Variants in NDUFS2 observed in about 807,000 individuals in gnomAD.
NDUFS2 encodes the protein NADH dehydrogenase [ubiquinone] iron-sulfur protein 2, mitochondrial.
Under a neutral mutation model 69.6 loss-of-function variants are expected in NDUFS2, and 38 were observed. That is an observed-to-expected ratio of 0.55 (90% confidence interval 0.42 to 0.72). The LOEUF is 0.72. NDUFS2 is among the 30% of genes least tolerant of loss of function. The pLI is 0.00. For synonymous variants in NDUFS2, 194 were observed against 211.2 expected (o/e 0.92, Z 0.70); for missense variants, 468 against 595.0 (o/e 0.79, Z 2.22).
chr1:161,208,740 A>G (rs1651061396), intron 3 of NDUFS2, among the ~76,000 whole-genome samples: 1 of 152,246 alleles, frequency 6.6e-6, no homozygotes, highest in African/African-American at 2.4e-5. Context: ...ATGATTTAAT[A>G]CATTATATTA....
At chr1:161,206,666 G>A in intron 3 of NDUFS2, 69 bp downstream of exon 3, 1 of 1,539,890 alleles carries the variant, frequency 6.5e-7, no homozygotes, top group Non-Finnish European at 8.9e-7. Flanking sequence ...TTGCCAGTTT[G>A]CTGCCCTTAA....
rs1435189380 is a variant in NDUFS2 at position 161,212,456 on chromosome 1, T to C, written c.1092T>C (p.Ser364=). The change falls in exon 10 of 14, where the codon TCT becomes TCC. Residue 364 remains serine (S), a synonymous_variant. Transcript: ENST00000676972. Reference sequence around the variant, plus strand: ...TCAAGGTTGATGATGCCAAAGTGTCTCCACCTAAGCGAGCAGAGATGAAGG... The same window carrying C: ...TCAAGGTTGATGATGCCAAAGTGTCCCCACCTAAGCGAGCAGAGATGAAGG... The part of the protein sequence containing the change: ...GEIKVDDAKV[S]PPKRAEMKTS... The C allele has an allele frequency of 1.9e-6, 3 of 1,613,682 alleles. No homozygotes were observed. The Admixed American group carries it at 5.0e-5, about 27-fold the overall frequency.
chr1:161,207,905 C>T (rs1571611676), intron 3 of NDUFS2, among the ~76,000 whole-genome samples: 1 of 149,876 alleles, frequency 6.7e-6, no homozygotes, highest in Non-Finnish European at 1.5e-5. Flanking sequence ...CTCTGCCTCC[C>T]GAGTTTAAGC....
upstream of NDUFS2, chr1:161,198,093 G>A (rs1412762783): frequency 1.9e-6 from 3 of 1,613,398 alleles, no homozygotes; most frequent in Non-Finnish European, 2.5e-6. The surrounding 1 kb of genome is among the most constrained non-coding windows in gnomAD (Gnocchi z 4.7). Context: ...CGTAGGATGT[G>A]AGCCCCAGGT....
At chr1:161,204,825 C>T (rs1280345839) in intron 2 of NDUFS2, among the ~76,000 whole-genome samples, 1 of 152,040 alleles carries the variant, frequency 6.6e-6, no homozygotes, top group Non-Finnish European at 1.5e-5. Context: ...CCGAGGTGGG[C>T]GGATCACCTT....
chr1:161,205,104 A>G (rs992393087), intron 2 of NDUFS2, among the ~76,000 whole-genome samples: 1 of 151,818 alleles, frequency 6.6e-6, no homozygotes, highest in Non-Finnish European at 1.5e-5. Flanking sequence ...GGTCTGTCAG[A>G]CTCCAAAGCC....
chr1:161,201,487 GCTGGAAGAAT>G (rs1665118277), upstream of NDUFS2, among the ~76,000 whole-genome samples: 2 of 152,356 alleles, frequency 1.3e-5, no homozygotes, highest in African/African-American at 4.8e-5. Context: ...AGCCTCTAAG[GCTGGAAGAAT>G]CTTTGTCCAT....
chr1:161,213,759 C>T (rs776646883), intron 12 of NDUFS2, 27 bp downstream of exon 12: 5 of 1,613,512 alleles, frequency 3.1e-6, no homozygotes, highest in East Asian at 2.2e-5. Flanking sequence ...GTAACTATAA[C>T]TCCAATGAAT....
At position 161,206,436 on chromosome 1, in the gene NDUFS2, A is replaced by G; in HGVS notation, c.232A>G (p.Lys78Glu). 6.2e-7 allele frequency: 1 copy of G among 1,614,212 alleles called. No individual in the cohort carries two copies. ...GGACCCTCCAAAGGACACAATTGTG[A>G]AGAACATTACCCTGAACTTTGGGCC... ...DVDPPKDTIV[K>E]NITLNFGPQH... Residue 78 changes from lysine to glutamate, a missense_variant, in exon 3 of 14, where the codon AAG (lysine) becomes GAG (glutamate). Lys to Glu is a moderately conservative substitution (Grantham distance 56). This residue lies in a region of NDUFS2 where 339 missense variants were observed against 433.8 expected (regional missense o/e 0.78). Coordinates refer to ENST00000676972, the MANE Select transcript of NDUFS2 (RefSeq NM_001377299.1).
Position 161,210,288 on chromosome 1 carries a change from T to C in NDUFS2, c.781-16T>C, listed in dbSNP as rs763470896. Reference sequence around the variant, plus strand: ...GTGAGGAAGAGTATTAACACACCAGTTTTCTTGATCAATAGTTGCTGACCA... The same window carrying C: ...GTGAGGAAGAGTATTAACACACCAGCTTTCTTGATCAATAGTTGCTGACCA... On this transcript the variant is annotated splice_polypyrimidine_tract_variant and intron_variant, in intron 7 of 13. Transcript: ENST00000676972. The C allele has an allele frequency of 5.4e-5, 87 of 1,612,798 alleles. No homozygotes were observed. The highest frequency in any genetic ancestry group is 7.4e-5 in the Non-Finnish European group (87 of 1,179,038).
At chr1:161,202,329 G>C, upstream of NDUFS2, 2 of 1,535,618 alleles carry the variant, frequency 1.3e-6, no homozygotes, top group Non-Finnish European at 1.8e-6. Context: ...CAAGAAGGAG[G>C]CGCGCTGGAG....
upstream of NDUFS2, chr1:161,197,546 A>C: frequency 6.0e-6 from 1 of 167,234 alleles, no homozygotes; most frequent in Non-Finnish European, 1.3e-5. Flanking sequence ...TGCCACAGTG[A>C]TTTTAAAGGC....
At chr1:161,202,684 A>G (rs1665208865) in intron 1 of NDUFS2, among the ~76,000 whole-genome samples, 1 of 152,204 alleles carries the variant, frequency 6.6e-6, no homozygotes, top group South Asian at 2.1e-4. Context: ...AGGTGAAATC[A>G]GCGGAGTGGG....
At chr1:161,209,342 C>T (rs752273441) in intron 4 of NDUFS2, 29 bp downstream of exon 4, 5 of 1,614,078 alleles carry the variant, frequency 3.1e-6, no homozygotes, top group Non-Finnish European at 4.2e-6. Flanking sequence ...TTCTGTGGCC[C>T]ACTGTGAGCA....
Position 161,212,451 on chromosome 1 carries a change from G to A in NDUFS2, c.1087G>A (p.Val363Met). The A allele has an allele frequency of 6.2e-7, 1 of 1,613,828 alleles. No individual in the cohort carries two copies. The highest frequency in any genetic ancestry group is 8.5e-7 in the Non-Finnish European group (1 of 1,179,932). ...PGEIKVDDAKVSPPKRAEMKT... is the reference protein window; with the variant it reads ...PGEIKVDDAKMSPPKRAEMKT... ...GGAGATCAAGGTTGATGATGCCAAA[G>A]TGTCTCCACCTAAGCGAGCAGAGAT... Residue 363 changes from valine to methionine, a missense_variant, in exon 10 of 14, where the codon GTG becomes ATG. By Grantham distance (21) the Val-to-Met change is conservative. This residue lies in a region of NDUFS2 where 339 missense variants were observed against 433.8 expected (regional missense o/e 0.78). Coordinates refer to ENST00000676972, the MANE Select transcript of NDUFS2 (RefSeq NM_001377299.1).
intron 11 of NDUFS2, 73 bp downstream of exon 11, chr1:161,213,548 C>G: frequency 1.3e-6 from 2 of 1,529,442 alleles, no homozygotes; most frequent in South Asian, 2.2e-5. Context: ...ACAAATAGCT[C>G]ATTCATCAAT....
At chr1:161,202,536 TG>T in intron 1 of NDUFS2, 56 bp downstream of exon 1, 2 of 1,513,348 alleles carry the variant, frequency 1.3e-6, no homozygotes, top group Non-Finnish European at 1.8e-6. Context: ...TTTCTCAGGT[TG>T]GGGACGCTTT....
upstream of NDUFS2, chr1:161,201,960 G>A: frequency 3.8e-6 from 1 of 261,534 alleles, no homozygotes; most frequent in Non-Finnish European, 7.7e-6. Context: ...GCAAAGCCTG[G>A]GGCTACCCTA....
upstream of NDUFS2, chr1:161,199,509 G>C (rs1290490263): frequency 6.6e-6 from 1 of 152,324 alleles, no homozygotes; most frequent in Non-Finnish European, 1.5e-5. Flanking sequence ...CCTGAGAAAA[G>C]AGGGTAGGGA....
Sources: allele counts gnomAD v4.1 joint callset (sites outside exome capture counted in the v4.1 genomes callset), GRCh38; gene constraint gnomAD v4.1.1; regional missense constraint gnomAD v4.1.1; non-coding constraint Gnocchi (gnomAD v3.1); transcripts MANE v1.5; gene names NCBI Gene and HGNC (gene_info 2026-07-23, HGNC 2026-07-21).